The following MAF variants were observed in gnomAD, a reference collection of about 807,000 sequenced individuals.
MAF encodes the protein transcription factor Maf.
MAF carries 10 observed loss-of-function variants against 22.0 expected under a neutral mutation model. That is an observed-to-expected ratio of 0.45 (90% CI 0.28 to 0.77). The LOEUF (loss-of-function observed/expected upper bound fraction) is 0.77. MAF is among the 30% of genes least tolerant of loss of function. The pLI is 0.12. For synonymous variants in MAF, 337 were observed against 255.8 expected (o/e 1.32, Z -3.03); for missense variants, 544 against 548.4 (o/e 0.99, Z 0.08).
At chr16:79,515,488 T>C in the MAF span, among the ~76,000 whole-genome samples, 2 of 152,258 alleles carry the variant, frequency 1.3e-5, no homozygotes, top group African/African-American at 4.8e-5. Context: ...TTGATGATTT[T>C]GCCCAACTGT....
chr16:79,405,229 A>G, the MAF span, among the ~76,000 whole-genome samples: 1 of 152,198 alleles, frequency 6.6e-6, no homozygotes, highest in African/African-American at 2.4e-5. Flanking sequence ...CCATTCTGAG[A>G]TACTACCCTT....
At chr16:79,542,883 G>C in the MAF span, among the ~76,000 whole-genome samples, 22 of 152,300 alleles carry the variant, frequency 1.4e-4, no homozygotes, top group South Asian at 3.3e-3. Flanking sequence ...GTTAGACTCT[G>C]GGTGGTTTTT....
At chr16:79,443,362 G>T in the MAF span, among the ~76,000 whole-genome samples, 1 of 152,110 alleles carries the variant, frequency 6.6e-6, no homozygotes, top group Non-Finnish European at 1.5e-5. Context: ...ATCAGAAGAT[G>T]GTCATCCTCT....
At chr16:79,238,522 G>C in the MAF span, among the ~76,000 whole-genome samples, 2 of 152,018 alleles carry the variant, frequency 1.3e-5, no homozygotes, top group Admixed American at 6.6e-5. Flanking sequence ...ACTTAGTGCT[G>C]TTGTTGCCAG....
chr16:79,550,140 G>A, the MAF span, among the ~76,000 whole-genome samples: 41 of 152,212 alleles, frequency 2.7e-4, no homozygotes, highest in African/African-American at 8.9e-4. Context: ...CAGGGCATCT[G>A]CAGAGCCCAG....
the MAF span, among the ~76,000 whole-genome samples, chr16:79,564,630 G>T: frequency 2.0e-5 from 3 of 152,178 alleles, no homozygotes; most frequent in South Asian, 6.2e-4. Flanking sequence ...CCCTGTGGCA[G>T]CCCACAGTGG....
the MAF span, among the ~76,000 whole-genome samples, chr16:79,532,414 C>T: frequency 2.6e-5 from 4 of 152,130 alleles, no homozygotes; most frequent in African/African-American, 9.7e-5. Flanking sequence ...AAAAGTGAAA[C>T]AAATGTGCAG....
the MAF span, among the ~76,000 whole-genome samples, chr16:79,370,090 G>T: frequency 6.6e-6 from 1 of 152,148 alleles, no homozygotes; most frequent in Non-Finnish European, 1.5e-5. Context: ...ACCTGAGTAG[G>T]CAAAGGATGT....
the MAF span, among the ~76,000 whole-genome samples, chr16:79,469,823 C>T: frequency 6.6e-6 from 1 of 152,114 alleles, no homozygotes; most frequent in African/African-American, 2.4e-5. Flanking sequence ...TCTCGAACTC[C>T]TGACCTCGTG....
chr16:79,499,200 G>C, the MAF span, among the ~76,000 whole-genome samples: 7 of 151,686 alleles, frequency 4.6e-5, no homozygotes, highest in African/African-American at 1.5e-4. Flanking sequence ...AGCATATATT[G>C]CTAGCACCCT....
At chr16:79,566,165 A>C in the MAF span, among the ~76,000 whole-genome samples, 1 of 152,208 alleles carries the variant, frequency 6.6e-6, no homozygotes, top group South Asian at 2.1e-4. Flanking sequence ...TTTTTTTTAA[A>C]GAAATGTACA....
chr16:79,405,588 G>A, the MAF span, among the ~76,000 whole-genome samples: 1 of 152,108 alleles, frequency 6.6e-6, no homozygotes, highest in Non-Finnish European at 1.5e-5. Context: ...CCTTCAATTC[G>A]CCTTAGTGCA....
chr16:79,539,269 C>G, the MAF span, among the ~76,000 whole-genome samples: 11 of 152,142 alleles, frequency 7.2e-5, no homozygotes, highest in Non-Finnish European at 1.2e-4. Context: ...TTCGGGAGGC[C>G]GAGCCGGGTG....
At chr16:79,273,896 G>T in the MAF span, among the ~76,000 whole-genome samples, 1 of 151,032 alleles carries the variant, frequency 6.6e-6, no homozygotes, top group African/African-American at 2.4e-5. Context: ...TATTCTGTCT[G>T]CCATAGCTGG....
the MAF span, among the ~76,000 whole-genome samples, chr16:79,574,154 G>A: frequency 2.6e-5 from 4 of 152,200 alleles, no homozygotes; most frequent in Admixed American, 2.0e-4. Context: ...AAGGCAGAGT[G>A]AAGAGTGCCT....
chr16:79,592,605 G>C (rs776772087), downstream of MAF, among the ~76,000 whole-genome samples: 1 of 152,158 alleles, frequency 6.6e-6, no homozygotes, highest in Non-Finnish European at 1.5e-5. Flanking sequence ...GCCTGGACCT[G>C]GGACATCTTC....
chr16:79,377,413 G>T, the MAF span, among the ~76,000 whole-genome samples: 1 of 152,180 alleles, frequency 6.6e-6, no homozygotes, highest in Non-Finnish European at 1.5e-5. Flanking sequence ...GTTCATTGTA[G>T]ATTCTGGATA....
chr16:79,336,322 G>C, the MAF span, among the ~76,000 whole-genome samples: 1 of 152,304 alleles, frequency 6.6e-6, no homozygotes, highest in East Asian at 1.9e-4. Flanking sequence ...TCCTCATTTT[G>C]TAAAGGAGCG....
the MAF span, among the ~76,000 whole-genome samples, chr16:79,229,948 C>A: frequency 2.5e-3 from 375 of 151,928 alleles, 4 homozygotes; most frequent in African/African-American, 8.3e-3. Context: ...AACACACAGC[C>A]CCGCCATCTA....
Sources: gnomAD v4.1 joint callset for allele counts (sites outside exome capture counted in the v4.1 genomes callset) on GRCh38, gnomAD v4.1.1 for gene constraint, MANE v1.5 for transcripts, NCBI Gene and HGNC (gene_info 2026-07-23, HGNC 2026-07-21) for gene names.